The following C2orf66 variants were observed in gnomAD, a reference collection of about 807,000 sequenced individuals.
C2orf66 encodes chromosome 2 open reading frame 66.
Under a neutral mutation model 7.0 loss-of-function variants are expected in C2orf66, and 6 were observed. The ratio of observed to expected loss-of-function variants is 0.86; its 90% confidence interval spans 0.47 to 1.69. The LOEUF (loss-of-function observed/expected upper bound fraction) is 1.69. Among genes scored for constraint, C2orf66 ranks in the 40% most tolerant of loss-of-function variants. The pLI is 0.01. For synonymous variants in C2orf66, 38 were observed against 43.8 expected (o/e 0.87, Z 0.52); for missense variants, 107 against 112.0 (o/e 0.96, Z 0.20).
chr2:196,807,493 C>T lies in C2orf66; in HGVS notation c.253G>A (p.Ala85Thr). Residue 85 changes from alanine to threonine, a missense_variant, in exon 2 of 3, where the codon GCA (alanine) becomes ACA (threonine). By Grantham distance (58) the Ala-to-Thr change is moderately conservative. Transcript: ENST00000342506. ...FQSELTASAS[A>T]DYEEQKNSFH... ...GAGTTTTTCTGCTCTTCATAATCTG[C>T]AGATGCAGAAGCAGTAAGTTCTGAC... The T allele has an allele frequency of 6.2e-7, 1 of 1,612,654 alleles. No homozygotes were observed. The highest frequency in any genetic ancestry group is 1.7e-5 in the Admixed American group (1 of 59,780).
chr2:196,819,541 C>A, the C2orf66 span, among the ~76,000 whole-genome samples: 2 of 151,650 alleles, frequency 1.3e-5, no homozygotes, highest in African/African-American at 4.9e-5. Context: ...CACAAGCCAC[C>A]CAGTCTATGG....
chr2:196,825,102 C>T, the C2orf66 span, among the ~76,000 whole-genome samples: 2 of 151,446 alleles, frequency 1.3e-5, no homozygotes, highest in Non-Finnish European at 2.9e-5. Context: ...GGCATGGCAG[C>T]ATGTGCCTGT....
chr2:196,812,335 A>T (rs535185921), upstream of C2orf66, among the ~76,000 whole-genome samples: 80 of 152,350 alleles, frequency 5.3e-4, no homozygotes, highest in Non-Finnish European at 8.7e-4. Context: ...AAACCACAAC[A>T]TGATTTGTCT....
At chr2:196,820,697 G>T in the C2orf66 span, among the ~76,000 whole-genome samples, 1 of 152,130 alleles carries the variant, frequency 6.6e-6, no homozygotes, top group South Asian at 2.1e-4. Context: ...AGGAGTTTAG[G>T]GTTAAGACAT....
chr2:196,824,276 T>G, the C2orf66 span, among the ~76,000 whole-genome samples: 1 of 152,112 alleles, frequency 6.6e-6, no homozygotes, highest in East Asian at 1.9e-4. Context: ...TTTTTTTCTT[T>G]TTTTGAGAAT....
chr2:196,809,236 T>G lies in C2orf66; in HGVS notation c.101A>C (p.Asn34Thr). The change falls in exon 1 of 3, where the codon AAC becomes ACC. Residue 34 changes from asparagine (N) to threonine (T), a missense_variant. Transcript: ENST00000342506. ...TACCAGATCTCTGTTTCTGGGGTTG[T>G]TGAGTGGCTTCCATTTGTCCTCATT... Reference protein sequence around the residue: ...VRNEDKWKPLNNPRNRDLFFR... With the variant: ...VRNEDKWKPLTNPRNRDLFFR... 3 of 1,614,044 alleles carry G rather than the reference T, an allele frequency of 1.9e-6. No individual in the cohort carries two copies. Among genetic ancestry groups the G allele is most frequent in the Non-Finnish European group, 2.5e-6 (3 of 1,179,968 alleles).
At chr2:196,828,212 T>TCC in the C2orf66 span, among the ~76,000 whole-genome samples, 23 of 121,320 alleles carry the variant, frequency 1.9e-4, no homozygotes, top group Admixed American at 8.7e-5. Context: ...AATCAAAATC[T>TCC]CTCTCTCTCT....
chr2:196,826,640 G>A, the C2orf66 span, among the ~76,000 whole-genome samples: 1 of 152,144 alleles, frequency 6.6e-6, no homozygotes, highest in South Asian at 2.1e-4. Flanking sequence ...ATTCAGATGG[G>A]TGGTGGTGGT....
chr2:196,829,753 C>T, the C2orf66 span, among the ~76,000 whole-genome samples: 12 of 151,698 alleles, frequency 7.9e-5, no homozygotes, highest in South Asian at 2.1e-4. Flanking sequence ...AAAAATTAGA[C>T]GGGCGTGGTG....
chr2:196,828,637 C>T, the C2orf66 span, among the ~76,000 whole-genome samples: 4 of 152,122 alleles, frequency 2.6e-5, no homozygotes, highest in Non-Finnish European at 4.4e-5. Flanking sequence ...GAAATTATGT[C>T]AGTGGACCTA....
At chr2:196,821,755 A>C in the C2orf66 span, among the ~76,000 whole-genome samples, 1 of 152,100 alleles carries the variant, frequency 6.6e-6, no homozygotes, top group South Asian at 2.1e-4. Flanking sequence ...TTAAAATATA[A>C]CTTAAATTTC....
At chr2:196,826,197 T>C in the C2orf66 span, among the ~76,000 whole-genome samples, 28 of 152,208 alleles carry the variant, frequency 1.8e-4, no homozygotes, top group Non-Finnish European at 2.6e-4. Context: ...CATTAAAAAT[T>C]ATCAAGATTA....
At chr2:196,829,983 A>C in the C2orf66 span, among the ~76,000 whole-genome samples, 3 of 152,212 alleles carry the variant, frequency 2.0e-5, no homozygotes, top group African/African-American at 7.2e-5. Flanking sequence ...GATAATTCGT[A>C]AACGTTCATA....
At chr2:196,827,775 G>A in the C2orf66 span, among the ~76,000 whole-genome samples, 1 of 152,076 alleles carries the variant, frequency 6.6e-6, no homozygotes, top group East Asian at 1.9e-4. Context: ...AAAAAGCATG[G>A]TGATTGTCTT....
At chr2:196,820,733 G>A in the C2orf66 span, among the ~76,000 whole-genome samples, 1 of 152,174 alleles carries the variant, frequency 6.6e-6, no homozygotes, top group African/African-American at 2.4e-5. Context: ...TTCTGTGAAA[G>A]GATTCTGAGA....
upstream of C2orf66, among the ~76,000 whole-genome samples, chr2:196,811,316 G>T (rs1156290062): frequency 6.6e-6 from 1 of 152,188 alleles, no homozygotes; most frequent in African/African-American, 2.4e-5. Context: ...AGGTTATTCT[G>T]GTTGCAGTGG....
the C2orf66 span, among the ~76,000 whole-genome samples, chr2:196,817,230 C>CTTTTT: frequency 5.4e-5 from 6 of 111,702 alleles, no homozygotes; most frequent in African/African-American, 7.4e-5. Context: ...CAAGTATTGT[C>CTTTTT]TTTTTTTTTT....
At chr2:196,816,687 A>G in the C2orf66 span, among the ~76,000 whole-genome samples, 1 of 152,198 alleles carries the variant, frequency 6.6e-6, no homozygotes, top group Non-Finnish European at 1.5e-5. Context: ...GTACCCCCCG[A>G]ATCTAAAATA....
At chr2:196,828,230 TCACACACACACACACA>T in the C2orf66 span, among the ~76,000 whole-genome samples, 53 of 125,150 alleles carry the variant, frequency 4.2e-4, no homozygotes, top group South Asian at 1.7e-3. Context: ...TCTCTCTCTC[TCACACACACACACACA>T]CACACACACA....
Sources: allele counts gnomAD v4.1 joint callset (sites outside exome capture counted in the v4.1 genomes callset), GRCh38; gene constraint gnomAD v4.1.1; transcripts MANE v1.5; gene names NCBI Gene and HGNC (gene_info 2026-07-23, HGNC 2026-07-21).